The following KCNQ1 variants were observed in gnomAD, a reference collection of about 807,000 sequenced individuals.
The protein encoded by KCNQ1 is potassium voltage-gated channel subfamily Q member 1, also known as potassium voltage-gated channel subfamily KQT member 1.
A neutral mutation model predicts 72.4 loss-of-function variants in KCNQ1; 49 were observed. That is an observed-to-expected ratio of 0.68 (90% CI 0.54 to 0.86). The LOEUF is 0.86. KCNQ1 is among the 40% of genes least tolerant of loss of function. KCNQ1 has a pLI of 0.00. For synonymous variants in KCNQ1, 450 were observed against 412.6 expected, an observed-to-expected ratio of 1.09 and a Z score of -1.10; for missense variants, 790 against 945.1, an observed-to-expected ratio of 0.84 and a Z score of 2.15.
rs1236612178 is a variant in KCNQ1 at position 2,617,448 on chromosome 11, CCA to C, written c.1393+28597_1393+28598del. On this transcript the variant is annotated intron_variant, in intron 10 of 15. Coordinates refer to ENST00000155840, the MANE Select transcript of KCNQ1 (RefSeq NM_000218.3). The surrounding 1 kb of genome is among the most constrained non-coding windows in gnomAD (Gnocchi z 4.6). ...TAATATTCCATTGTAGACATACACA[CCA>C]CAGTTTAGTCATCCATCAATGGACA... 1 of 398,394 alleles carries C rather than the reference CCA, an allele frequency of 2.5e-6. No homozygotes were observed. The highest frequency in any genetic ancestry group is 3.6e-5 in the East Asian group (1 of 28,062). 24.7% of individuals were successfully genotyped at this position (398,394 alleles called of 1,614,324 possible). A position where few individuals can be genotyped will look rare whatever the true frequency, so the allele number is the denominator to read the frequency against.
At chr11:2,638,201 G>A (rs1395202606) in intron 10 of KCNQ1, 1 of 152,174 alleles carries the variant, frequency 6.6e-6, no homozygotes, top group Non-Finnish European at 1.5e-5. Flanking sequence ...ATTGTTATGT[G>A]TGAATTTGAT....
At chr11:2,692,211 C>T (rs976488050) in intron 11 of KCNQ1, 4 of 398,736 alleles carry the variant, frequency 1.0e-5, no homozygotes, top group African/African-American at 2.1e-5. Flanking sequence ...CCGATACACC[C>T]GCTTCCTCAC....
At chr11:2,648,872 T>C (rs1221541111) in intron 10 of KCNQ1, 2 of 398,368 alleles carry the variant, frequency 5.0e-6, no homozygotes, top group Admixed American at 8.8e-5. Context: ...TTGTTTAATA[T>C]ACCTGGGTAC....
At chr11:2,459,411 A>T (rs1846242116) in intron 1 of KCNQ1, among the ~76,000 whole-genome samples, 1 of 152,184 alleles carries the variant, frequency 6.6e-6, no homozygotes, top group African/African-American at 2.4e-5. Context: ...GTAGTTCCTC[A>T]CTGCAGGGCT....
At position 2,772,173 on chromosome 11, in the gene KCNQ1, C is replaced by T. The variant is rs1308714717; in HGVS notation, c.1590+3254C>T. Among the ~76,000 whole-genome samples the T allele has an allele frequency of 1.3e-5, 2 of 152,044 alleles. No individual in the cohort carries two copies. The highest frequency in any genetic ancestry group is 4.8e-5 in the African/African-American group (2 of 41,394). ...AGCTGTGTGTGGCTCCAGGGGCTCC[C>T]CTAGCCCACCTCTCAGGATGCTTCC... is the stretch of plus-strand genomic sequence containing the variant. On this transcript the variant is annotated intron_variant, in intron 12 of 15. Transcript: ENST00000155840. The surrounding 1 kb of genome is among the most constrained non-coding windows in gnomAD (Gnocchi z 6.6).
At chr11:2,847,643 C>T in intron 15 of KCNQ1, 124 bp from the exon 16 acceptor site, 2 of 882,962 alleles carry the variant, frequency 2.3e-6, no homozygotes, top group East Asian at 2.6e-5. Context: ...CGCCTGCATA[C>T]AGCATGCACT....
In KCNQ1 at chr11:2,790,080, AC is replaced by A. The variant is rs1282235460; in HGVS notation, c.1794+12048del. Reference sequence around the variant, plus strand: ...ATATCCCTTTGACCACCAGGTCATGACCCCCAGATCATATCCCAATGACCCT... The same window carrying A: ...ATATCCCTTTGACCACCAGGTCATGACCCCAGATCATATCCCAATGACCCT... On this transcript the variant is annotated intron_variant, in intron 15 of 15. Transcript: ENST00000155840. Among the ~76,000 whole-genome samples the A allele has an allele frequency of 1.6e-4, 25 of 151,920 alleles. No homozygotes were observed. The South Asian group carries it at 5.0e-3, about 30-fold the overall frequency.
At position 2,477,803 on chromosome 11, in the gene KCNQ1, A is replaced by C. The variant is rs1353986320; in HGVS notation, c.386+32319A>C. Among the ~76,000 whole-genome samples the C allele has an allele frequency of 6.6e-6, 1 of 152,160 alleles. No homozygotes were observed. Among genetic ancestry groups the C allele is most frequent in the African/African-American group, 2.4e-5 (1 of 41,438 alleles). ...AGTGGTAATGGATTATAATTCATGAAAAAAGAATCTATGCATCCACAGGGA... is the reference window on the plus strand; with the variant it reads ...AGTGGTAATGGATTATAATTCATGACAAAAGAATCTATGCATCCACAGGGA... On this transcript the variant is annotated intron_variant, in intron 1 of 15. Coordinates refer to ENST00000155840, the MANE Select transcript of KCNQ1 (RefSeq NM_000218.3). The surrounding 1 kb of genome is among the most constrained non-coding windows in gnomAD (Gnocchi z 5.0).
At chr11:2,753,228 C>T (rs532295551) in intron 11 of KCNQ1, among the ~76,000 whole-genome samples, 204 of 152,258 alleles carry the variant, frequency 1.3e-3, no homozygotes, top group African/African-American at 4.2e-3. Context: ...GGGGGAGTCA[C>T]GAGATCTTCA....
At position 2,474,606 on chromosome 11, in the gene KCNQ1, G is replaced by A. The variant is rs546877644; in HGVS notation, c.386+29122G>A. ...CTCTGAAACATTTATGACTTCATGCGTCAGCTGGAGGCTCTTTCACCGCCC... is the reference window on the plus strand; with the variant it reads ...CTCTGAAACATTTATGACTTCATGCATCAGCTGGAGGCTCTTTCACCGCCC... On this transcript the variant is annotated intron_variant, in intron 1 of 15. Transcript: ENST00000155840. Among the ~76,000 whole-genome samples the A allele has an allele frequency of 5.8e-5, 7 of 119,900 alleles. No homozygotes were observed. In the South Asian group the frequency reaches 1.1e-3, roughly 20 times the overall value. The allele number at this position is 119,900 out of a possible 152,430, so 78.7% of individuals were successfully genotyped here.
chr11:2,520,002 C>T (rs1004451252), intron 1 of KCNQ1, among the ~76,000 whole-genome samples: 7 of 152,244 alleles, frequency 4.6e-5, no homozygotes, highest in African/African-American at 1.4e-4. Context: ...ACCCAGGACG[C>T]GGGAGCCCGC....
chr11:2,804,122 C>T (rs1323612919), intron 15 of KCNQ1, among the ~76,000 whole-genome samples: 1 of 152,120 alleles, frequency 6.6e-6, no homozygotes, highest in African/African-American at 2.4e-5. Context: ...CTCTACAGCG[C>T]CCAGTAGCCC....
At chr11:2,806,859 G>A (rs1056016223) in intron 15 of KCNQ1, among the ~76,000 whole-genome samples, 7 of 152,270 alleles carry the variant, frequency 4.6e-5, no homozygotes, top group Middle Eastern at 3.4e-3. Context: ...TGCTGGCTCC[G>A]GTGACACACA....
chr11:2,776,321 G>A (rs545447840), intron 13 of KCNQ1, among the ~76,000 whole-genome samples: 2 of 152,214 alleles, frequency 1.3e-5, no homozygotes, highest in South Asian at 4.1e-4. Context: ...GAGGCGCGTA[G>A]GGGAGGCAAA....
intron 11 of KCNQ1, among the ~76,000 whole-genome samples, chr11:2,717,428 A>G (rs1385791733): frequency 2.0e-5 from 3 of 152,212 alleles, no homozygotes; most frequent in Admixed American, 1.3e-4. Flanking sequence ...GCAAAGCCAC[A>G]GGGAGACTTC....
chr11:2,838,072 G>A (rs374835452), intron 15 of KCNQ1, among the ~76,000 whole-genome samples: 4 of 152,322 alleles, frequency 2.6e-5, no homozygotes, highest in Admixed American at 6.5e-5. Context: ...GAAACGTCCC[G>A]TCCCAAATTC....
Position 2,748,259 on chromosome 11 carries a change from A to C in KCNQ1, c.1515-20585A>C, listed in dbSNP as rs1846169897. Among the ~76,000 whole-genome samples, 1 of 152,096 alleles carries C rather than the reference A, an allele frequency of 6.6e-6. No homozygotes were observed. On this transcript the variant is annotated intron_variant, in intron 11 of 15. Transcript: ENST00000155840. The surrounding 1 kb of genome is among the most constrained non-coding windows in gnomAD (Gnocchi z 6.2). ...GAGGGAGAAGCAAGTTCCCCTCAGG[A>C]ATGCTGGTGAAGCTGGCATGCCCCC...
rs1846138831 is a variant in KCNQ1 at position 2,746,383 on chromosome 11, C to G, written c.1515-22461C>G. Among the ~76,000 whole-genome samples the G allele has an allele frequency of 6.6e-6, 1 of 152,322 alleles. No individual in the cohort carries two copies. The highest frequency in any genetic ancestry group is 1.9e-4 in the East Asian group (1 of 5,186). Reference sequence around the variant, plus strand: ...TACATGACTGTTAACTGAGTCCATGCTTGATGCAGATTTCCTCAGTTTCCC... The same window carrying G: ...TACATGACTGTTAACTGAGTCCATGGTTGATGCAGATTTCCTCAGTTTCCC... On this transcript the variant is annotated intron_variant, in intron 11 of 15. Coordinates refer to ENST00000155840, the MANE Select transcript of KCNQ1 (RefSeq NM_000218.3). The surrounding 1 kb of genome is among the most constrained non-coding windows in gnomAD (Gnocchi z 5.9).
Position 2,830,131 on chromosome 11 carries a change from C to T in KCNQ1, c.1795-17636C>T, listed in dbSNP as rs1847917392. Among the ~76,000 whole-genome samples, 1 of 151,878 alleles carries T rather than the reference C, an allele frequency of 6.6e-6. No homozygotes were observed. The highest frequency in any genetic ancestry group is 1.5e-5 in the Non-Finnish European group (1 of 67,948). ...GGAAGGTGGGTGCATGCCACCCTGG[C>T]TGGGAACAGCAGGTGTGTGGTGAAG... On this transcript the variant is annotated intron_variant, in intron 15 of 15. Coordinates refer to ENST00000155840, the MANE Select transcript of KCNQ1 (RefSeq NM_000218.3). The surrounding 1 kb of genome is among the most constrained non-coding windows in gnomAD (Gnocchi z 7.7).
Sources: allele counts gnomAD v4.1 joint callset (sites outside exome capture counted in the v4.1 genomes callset), GRCh38; gene constraint gnomAD v4.1.1; non-coding constraint Gnocchi (gnomAD v3.1); transcripts MANE v1.5; gene names NCBI Gene and HGNC (gene_info 2026-07-23, HGNC 2026-07-21).